MTHFD2L: variants seen among roughly 807,000 people sequenced by gnomAD.
The protein encoded by MTHFD2L is bifunctional methylenetetrahydrofolate dehydrogenase/cyclohydrolase 2, mitochondrial.
MTHFD2L carries 29 observed loss-of-function variants against 34.9 expected under a neutral mutation model. The ratio of observed to expected loss-of-function variants is 0.83; its 90% confidence interval spans 0.62 to 1.13. The LOEUF is 1.13. Among genes scored for constraint, MTHFD2L ranks in the 50% most tolerant of loss-of-function variants. The pLI is 0.00. For synonymous variants in MTHFD2L, 167 were observed against 155.7 expected (o/e 1.07, Z -0.54); for missense variants, 481 against 446.5 (o/e 1.08, Z -0.70).
intron 1 of MTHFD2L, among the ~76,000 whole-genome samples, chr4:74,158,843 A>G (rs1724771141): frequency 6.6e-6 from 1 of 152,186 alleles, no homozygotes; most frequent in South Asian, 2.1e-4. Context: ...TAGATTCATT[A>G]CATGTCTTGG....
intron 1 of MTHFD2L, among the ~76,000 whole-genome samples, chr4:74,169,358 A>G (rs1350702225): frequency 6.6e-6 from 1 of 152,204 alleles, no homozygotes. Flanking sequence ...TGTACTGTCT[A>G]GGACATAATT....
intron 3 of MTHFD2L, among the ~76,000 whole-genome samples, chr4:74,196,297 A>G (rs986879932): frequency 2.6e-5 from 4 of 152,272 alleles, no homozygotes; most frequent in Middle Eastern, 3.4e-3. Flanking sequence ...AGAAGAAAGG[A>G]TTAGTAGTGA....
At chr4:74,253,684 A>G (rs1334166741) in intron 6 of MTHFD2L, among the ~76,000 whole-genome samples, 1 of 152,086 alleles carries the variant, frequency 6.6e-6, no homozygotes, top group Non-Finnish European at 1.5e-5. Flanking sequence ...GCACCAGAGG[A>G]CCATAACCCA....
intron 6 of MTHFD2L, among the ~76,000 whole-genome samples, chr4:74,247,075 G>T (rs1742576768): frequency 6.8e-6 from 1 of 146,494 alleles, no homozygotes; most frequent in Non-Finnish European, 1.5e-5. Flanking sequence ...TGGGCAGTAT[G>T]GCCATTTTCA....
chr4:74,214,618 C>A (rs1204607189), intron 5 of MTHFD2L, among the ~76,000 whole-genome samples: 1 of 151,800 alleles, frequency 6.6e-6, no homozygotes, highest in Non-Finnish European at 1.5e-5. Context: ...ATGCCAGCCA[C>A]AGCTCTCCTG....
intron 5 of MTHFD2L, among the ~76,000 whole-genome samples, chr4:74,217,474 A>G (rs1219684001): frequency 6.6e-6 from 1 of 151,806 alleles, no homozygotes; most frequent in Non-Finnish European, 1.5e-5. Flanking sequence ...TCTGTGCATG[A>G]TTACTGAGTT....
chr4:74,235,783 C>T (rs1578565665), intron 6 of MTHFD2L, among the ~76,000 whole-genome samples: 1 of 151,904 alleles, frequency 6.6e-6, no homozygotes, highest in East Asian at 1.9e-4. Flanking sequence ...TTCAATTGAT[C>T]GTATAAGAAA....
At chr4:74,299,840 T>A (rs542303892) in intron 7 of MTHFD2L, among the ~76,000 whole-genome samples, 1 of 152,150 alleles carries the variant, frequency 6.6e-6, no homozygotes, top group African/African-American at 2.4e-5. Flanking sequence ...GTGTCTTAAG[T>A]TCCATAATGG....
chr4:74,211,149 C>G (rs1304461200), intron 5 of MTHFD2L, among the ~76,000 whole-genome samples: 1 of 152,122 alleles, frequency 6.6e-6, no homozygotes, highest in Non-Finnish European at 1.5e-5. Flanking sequence ...ATGACTTCCT[C>G]TCTCCCTATT....
At chr4:74,182,435 G>A (rs987489666) in intron 3 of MTHFD2L, among the ~76,000 whole-genome samples, 8 of 152,142 alleles carry the variant, frequency 5.3e-5, no homozygotes, top group Non-Finnish European at 1.0e-4. Context: ...AGTATCTATT[G>A]TATACAGGCC....
intron 5 of MTHFD2L, among the ~76,000 whole-genome samples, chr4:74,218,620 C>G (rs535233405): frequency 3.6e-4 from 55 of 151,652 alleles, no homozygotes; most frequent in African/African-American, 1.3e-3. Flanking sequence ...TCAAGCCCCC[C>G]CCCCACCACC....
At chr4:74,248,171 C>G (rs1384845707) in intron 6 of MTHFD2L, among the ~76,000 whole-genome samples, 1 of 151,690 alleles carries the variant, frequency 6.6e-6, no homozygotes, top group Admixed American at 6.6e-5. Flanking sequence ...TGTTACTGGT[C>G]TATTCAGAGA....
chr4:74,145,865 G>A (rs1381100230), intron 1 of MTHFD2L, among the ~76,000 whole-genome samples: 2 of 152,076 alleles, frequency 1.3e-5, no homozygotes, highest in Admixed American at 1.3e-4. Context: ...TTCTCCTCCT[G>A]CTTTGCCTTC....
intron 1 of MTHFD2L, among the ~76,000 whole-genome samples, chr4:74,138,689 C>A (rs1337287797): frequency 6.6e-6 from 1 of 152,116 alleles, no homozygotes; most frequent in Non-Finnish European, 1.5e-5. Flanking sequence ...CAGCAAACAG[C>A]AGTGGTGGAT....
At chr4:74,146,806 T>A (rs999035886) in intron 1 of MTHFD2L, among the ~76,000 whole-genome samples, 2 of 152,194 alleles carry the variant, frequency 1.3e-5, no homozygotes, top group Non-Finnish European at 2.9e-5. Context: ...ATTTTTTATA[T>A]CTTATAGGCA....
chr4:74,152,686 C>T (rs1236256466), intron 1 of MTHFD2L, among the ~76,000 whole-genome samples: 1 of 152,042 alleles, frequency 6.6e-6, no homozygotes, highest in African/African-American at 2.4e-5. Context: ...GTCTCCACCC[C>T]CTGACAGGCC....
chr4:74,260,923 CAA>C (rs1400475513), intron 6 of MTHFD2L, among the ~76,000 whole-genome samples: 19 of 144,328 alleles, frequency 1.3e-4, no homozygotes, highest in South Asian at 2.2e-4. Flanking sequence ...TTAAAAAAAA[CAA>C]AGAAACAATT....
intron 7 of MTHFD2L, among the ~76,000 whole-genome samples, chr4:74,286,750 C>T (rs1748230054): frequency 6.6e-6 from 1 of 152,116 alleles, no homozygotes; most frequent in African/African-American, 2.4e-5. Flanking sequence ...TTTTATGATG[C>T]TTCCTGCAGG....
At chr4:74,288,580 G>A (rs1358396147) in intron 7 of MTHFD2L, 1 of 152,132 alleles carries the variant, frequency 6.6e-6, no homozygotes, top group Non-Finnish European at 1.5e-5. Flanking sequence ...TACCTATCCA[G>A]AATTCATTTT....
Sources: gnomAD v4.1 joint callset for allele counts (sites outside exome capture counted in the v4.1 genomes callset) on GRCh38, gnomAD v4.1.1 for gene constraint, MANE v1.5 for transcripts, NCBI Gene and HGNC (gene_info 2026-07-23, HGNC 2026-07-21) for gene names.